ARSD: variants seen among roughly 807,000 people sequenced by gnomAD.
The protein encoded by ARSD is arylsulfatase D.
In ARSD, 21 loss-of-function variants were observed where a neutral mutation model predicts 32.6. That is an observed-to-expected ratio of 0.64 (90% CI 0.46 to 0.93). The LOEUF (loss-of-function observed/expected upper bound fraction) is 0.93, where lower values mean the gene tolerates loss of function less well. Ranked by LOEUF, ARSD falls within the 40% of genes least tolerant of loss-of-function variation. The probability of loss-of-function intolerance (pLI) is 0.00; values close to 1 mark genes in which losing one functional copy is unlikely to be tolerated. For missense variants in ARSD, 454 were observed against 520.9 expected (o/e 0.87, Z 1.25); for synonymous variants, 224 against 237.4 (o/e 0.94, Z 0.52).
rs780122219 is a variant in ARSD, at chrX:2,907,018, G to A, written c.*253C>T. 2.4e-4 allele frequency: 71 copies of A among 292,667 alleles called. No homozygotes were observed. The highest frequency in any genetic ancestry group is 3.7e-4 in the Non-Finnish European group (62 of 169,123). 24.1% of individuals were successfully genotyped at this position (292,667 alleles called of 1,213,427 possible). ...TGTAATCCTGGGTACTCAGGAGGCT[G>A]AGGCAGGAAAATCGCTTGAACCCGG... On this transcript the variant is annotated 3_prime_UTR_variant, in exon 10 of 10. Coordinates refer to ENST00000381154, the MANE Select transcript of ARSD (RefSeq NM_001669.4).
intron 1 of ARSD, among the ~76,000 whole-genome samples, chrX:2,928,386 G>A (rs1603461408): frequency 1.0e-5 from 1 of 95,872 alleles, no homozygotes; most frequent in African/African-American, 3.9e-5. Flanking sequence ...GTCTTACCGA[G>A]CGTGTTGGGG....
In ARSD at chrX:2,925,654, G is replaced by A. The variant is rs377146339; in HGVS notation, c.156C>T (p.Gly52=). 3 of 1,208,846 alleles carry A rather than the reference G, an allele frequency of 2.5e-6. No homozygotes were observed. In the African/African-American group the frequency reaches 5.3e-5, roughly 21 times the overall value. ...TCCCGTAGCAACCGAGATCCCCAGTGCCTAGATCATCCGCCATGATCAGTA... is the reference window on the plus strand; with the variant it reads ...TCCCGTAGCAACCGAGATCCCCAGTACCTAGATCATCCGCCATGATCAGTA... The part of the protein sequence containing the change: ...NILLIMADDL[G]TGDLGCYGNN... Residue 52 remains glycine (G), a synonymous_variant, in exon 2 of 10, where the codon GGC becomes GGT. Coordinates refer to ENST00000381154, the MANE Select transcript of ARSD (RefSeq NM_001669.4).
chrX:2,910,622 G>A, intron 7 of ARSD, 37 bp downstream of exon 7: 1 of 1,209,498 alleles, frequency 8.3e-7, no homozygotes. Flanking sequence ...CAGATATTTG[G>A]TCGAATGCAT....
intron 6 of ARSD, chrX:2,914,418 T>G (rs2088932201): frequency 1.0e-5 from 3 of 285,919 alleles, no homozygotes; most frequent in Non-Finnish European, 9.5e-6. Context: ...TTTGTAGAGA[T>G]GGGGGGGGGG....
At chrX:2,925,832 G>A in intron 1 of ARSD, 67 bp from the exon 2 acceptor site, 1 of 1,088,003 alleles carries the variant, frequency 9.2e-7, no homozygotes, top group Admixed American at 2.3e-5. Flanking sequence ...GCATTTCAAG[G>A]CAGCTCGCTG....
At chrX:2,910,342 C>T (rs966274951) in intron 7 of ARSD, among the ~76,000 whole-genome samples, 2 of 109,257 alleles carry the variant, frequency 1.8e-5, no homozygotes, top group African/African-American at 6.6e-5. Context: ...TTAATTGATG[C>T]ATTTAAAATA....
At chrX:2,908,429 ATCTT>A (rs1671857722) in intron 9 of ARSD, among the ~76,000 whole-genome samples, 1 of 106,127 alleles carries the variant, frequency 9.4e-6, no homozygotes, top group Non-Finnish European at 1.9e-5. Context: ...TCCATCATCT[ATCTT>A]ATCTATCCAT....
rs752808200 is a variant in ARSD at position 2,907,885 on chromosome X, C to A, written c.1421-253G>T. ...CCAGGCAAAGGGACTCATTGCAGAGCGCTCACTGTGGCTGCTTTCAGAAAT... is the reference window on the plus strand; with the variant it reads ...CCAGGCAAAGGGACTCATTGCAGAGAGCTCACTGTGGCTGCTTTCAGAAAT... On this transcript the variant is annotated intron_variant, in intron 9 of 9. Coordinates refer to ENST00000381154, the MANE Select transcript of ARSD (RefSeq NM_001669.4). 13 of 930,733 alleles carry A rather than the reference C, an allele frequency of 1.4e-5. No homozygotes were observed. In the African/African-American group the frequency reaches 2.0e-4, roughly 14 times the overall value. The allele number at this position is 930,733 out of a possible 1,213,427, so 76.7% of individuals were successfully genotyped here.
At chrX:2,927,412 A>C (rs1387632785) in intron 1 of ARSD, among the ~76,000 whole-genome samples, 2 of 110,188 alleles carry the variant, frequency 1.8e-5, no homozygotes, top group Non-Finnish European at 3.8e-5. Flanking sequence ...GGTGCCTGCC[A>C]CCACGCCCGG....
At chrX:2,929,206 G>C (rs1429330004) in intron 1 of ARSD, 26 bp downstream of exon 1, 1 of 1,038,527 alleles carries the variant, frequency 9.6e-7, no homozygotes, top group Non-Finnish European at 1.2e-6. Flanking sequence ...GCCTTAGTAT[G>C]GGCCGCGTCC....
At chrX:2,929,004 C>T (rs2089122335) in intron 1 of ARSD, among the ~76,000 whole-genome samples, 3 of 112,377 alleles carry the variant, frequency 2.7e-5, no homozygotes, top group African/African-American at 9.7e-5. Flanking sequence ...CTCCACCCGC[C>T]CTTCGTCCCC....
intron 4 of ARSD, among the ~76,000 whole-genome samples, chrX:2,919,107 A>C (rs1415193834): frequency 9.1e-6 from 1 of 109,812 alleles, no homozygotes; most frequent in Non-Finnish European, 1.9e-5. Context: ...ACAGAGCAAC[A>C]CTCCATCTCA....
chrX:2,914,383 C>T (rs1243533696), intron 6 of ARSD: 20 of 485,136 alleles, frequency 4.1e-5, no homozygotes, highest in Non-Finnish European at 5.3e-5. Context: ...CAGGTGCACA[C>T]CACCATGGCT....
chrX:2,912,676 C>T lies in ARSD; in HGVS notation c.1001-1883G>A, dbSNP rs192294481. Reference sequence around the variant, plus strand: ...GAGCACGCTTTTTTAAACATAGTGCCGTGTGTGTGTGTCACATAATAAAGA... The same window carrying T: ...GAGCACGCTTTTTTAAACATAGTGCTGTGTGTGTGTGTCACATAATAAAGA... On this transcript the variant is annotated intron_variant, in intron 6 of 9. Coordinates refer to ENST00000381154, the MANE Select transcript of ARSD (RefSeq NM_001669.4). 2.6e-3 allele frequency among the ~76,000 whole-genome samples: 284 copies of T among 111,025 alleles called. 1 individual carries two copies. The highest frequency in any genetic ancestry group is 9.1e-3 in the African/African-American group (278 of 30,557).
At chrX:2,915,485 C>T in intron 6 of ARSD, 71 bp downstream of exon 6, 2 of 1,181,664 alleles carry the variant, frequency 1.7e-6, no homozygotes, top group Admixed American at 4.5e-5. Flanking sequence ...ATTCAGATGG[C>T]CAGTCTGTTA....
chrX:2,910,361 G>A (rs1446404146), intron 7 of ARSD, among the ~76,000 whole-genome samples: 1 of 109,679 alleles, frequency 9.1e-6, no homozygotes, highest in Non-Finnish European at 1.9e-5. Flanking sequence ...TATTAAAATA[G>A]TAATAAATTT....
chrX:2,910,789 C>G lies in ARSD; in HGVS notation c.1005G>C (p.Lys335Asn), dbSNP rs766799417. 4 of 1,205,687 alleles carry G rather than the reference C, an allele frequency of 3.3e-6. No homozygotes were observed. The highest frequency in any genetic ancestry group is 3.4e-6 in the Non-Finnish European group (3 of 893,222). Residue 335 changes from lysine to asparagine, a missense_variant, in exon 7 of 10, where the codon AAG becomes AAC. Physicochemically the swap from Lys to Asn is moderately conservative, Grantham distance 94. This residue lies in a region of ARSD where 271 missense variants were observed against 301.0 expected (regional missense o/e 0.90). Transcript: ENST00000381154. ...NVEEMDWLIG[K>N]VLNAIEDNGL... ...CATTGTCTTCGATGGCATTAAGAACCTTACCTTTACAGAAAATGGAAAGTT... is the reference window on the plus strand; with the variant it reads ...CATTGTCTTCGATGGCATTAAGAACGTTACCTTTACAGAAAATGGAAAGTT...
intron 3 of ARSD, 87 bp from the exon 4 acceptor site, chrX:2,920,810 G>A: frequency 9.0e-7 from 1 of 1,106,611 alleles, no homozygotes; most frequent in Middle Eastern, 3.6e-4. Flanking sequence ...TCTGAGATCT[G>A]GATTTGTGCA....
At chrX:2,921,390 TATCA>T (rs1211609807) in intron 3 of ARSD, among the ~76,000 whole-genome samples, 1 of 112,068 alleles carries the variant, frequency 8.9e-6, no homozygotes, top group Non-Finnish European at 1.9e-5. Context: ...TATCATTATC[TATCA>T]ATCATCTCTT....
Sources: gnomAD v4.1 joint callset for allele counts (sites outside exome capture counted in the v4.1 genomes callset) on GRCh38, gnomAD v4.1.1 for gene constraint, gnomAD v4.1.1 regional missense constraint, MANE v1.5 for transcripts, NCBI Gene and HGNC (gene_info 2026-07-23, HGNC 2026-07-21) for gene names.